The following KCNIP4 variants were observed in gnomAD, a reference collection of about 807,000 sequenced individuals.
The protein encoded by KCNIP4 is Kv channel-interacting protein 4.
A neutral mutation model predicts 34.0 loss-of-function variants in KCNIP4; 12 were observed. That is an observed-to-expected ratio of 0.35 (90% CI 0.23 to 0.57). The LOEUF is 0.57. Among genes scored for constraint, KCNIP4 ranks in the 20% least tolerant of loss-of-function variants. KCNIP4 has a pLI of 0.83. For synonymous variants in KCNIP4, 124 were observed against 102.2 expected (o/e 1.21, Z -1.29); for missense variants, 238 against 311.7 (o/e 0.76, Z 1.78).
intron 1 of KCNIP4, among the ~76,000 whole-genome samples, chr4:21,124,196 C>T (rs1041891528): frequency 9.2e-5 from 14 of 151,988 alleles, no homozygotes; most frequent in Admixed American, 2.0e-4. Flanking sequence ...GTGGTATCAA[C>T]GTCATACAGT....
intron 1 of KCNIP4, among the ~76,000 whole-genome samples, chr4:21,878,444 A>G (rs951228933): frequency 1.3e-5 from 2 of 152,132 alleles, no homozygotes; most frequent in African/African-American, 4.8e-5. Flanking sequence ...TAGTTTTCAC[A>G]TCTTCTGCCT....
chr4:21,097,854 G>C (rs1035704224), intron 1 of KCNIP4, among the ~76,000 whole-genome samples: 2 of 152,124 alleles, frequency 1.3e-5, no homozygotes, highest in Non-Finnish European at 2.9e-5. Context: ...TGCTAGAAAT[G>C]GTTAAGTTTA....
chr4:21,718,726 A>T (rs1714576326), intron 1 of KCNIP4: 1 of 152,216 alleles, frequency 6.6e-6, no homozygotes, highest in Non-Finnish European at 1.5e-5. Flanking sequence ...ACTCAAGAAC[A>T]TTAACTGAAC....
At chr4:21,154,788 C>T (rs941434119) in intron 1 of KCNIP4, among the ~76,000 whole-genome samples, 1 of 152,130 alleles carries the variant, frequency 6.6e-6, no homozygotes, top group Non-Finnish European at 1.5e-5. Flanking sequence ...GAGAGTCATG[C>T]CCTCCTTGAC....
chr4:21,192,936 ACT>A (rs60743379), intron 1 of KCNIP4, among the ~76,000 whole-genome samples: 3 of 141,370 alleles, frequency 2.1e-5, no homozygotes, highest in Admixed American at 7.1e-5. Flanking sequence ...TACTACTACT[ACT>A]ACTACTACTA....
intron 1 of KCNIP4, among the ~76,000 whole-genome samples, chr4:21,222,365 C>T (rs757804329): frequency 6.6e-6 from 1 of 152,052 alleles, no homozygotes; most frequent in Non-Finnish European, 1.5e-5. Context: ...CTAGAGTAAA[C>T]TTTAGAAATA....
chr4:21,816,719 C>T lies in KCNIP4; in HGVS notation c.61+131852G>A, dbSNP rs546544321. ...CATCACAGGTGATCTCCACATCCCACCCCTATAATTATTAGTTGACCCCAA... is the reference window on the plus strand; with the variant it reads ...CATCACAGGTGATCTCCACATCCCATCCCTATAATTATTAGTTGACCCCAA... On this transcript the variant is annotated intron_variant, in intron 1 of 8. Transcript: ENST00000382152. 2.6e-5 allele frequency among the ~76,000 whole-genome samples: 4 copies of T among 152,244 alleles called. No individual in the cohort carries two copies. In the South Asian group the frequency reaches 8.3e-4, roughly 32 times the overall value.
At chr4:21,271,673 G>T (rs1248961378) in intron 1 of KCNIP4, among the ~76,000 whole-genome samples, 1 of 151,990 alleles carries the variant, frequency 6.6e-6, no homozygotes, top group Non-Finnish European at 1.5e-5. Context: ...GGTGCTTTGG[G>T]GCTACACTTC....
intron 1 of KCNIP4, among the ~76,000 whole-genome samples, chr4:21,239,792 C>T (rs1166606637): frequency 6.6e-6 from 1 of 152,106 alleles, no homozygotes; most frequent in Admixed American, 6.5e-5. Context: ...TAAACTAGTT[C>T]AACCATTGTG....
At chr4:20,980,266 C>G (rs1490831039) in intron 1 of KCNIP4, among the ~76,000 whole-genome samples, 1 of 152,184 alleles carries the variant, frequency 6.6e-6, no homozygotes, top group East Asian at 1.9e-4. Context: ...CAATACCCAA[C>G]AGGGTACCCT....
chr4:21,709,861 T>C (rs1713583333), intron 1 of KCNIP4, among the ~76,000 whole-genome samples: 1 of 152,202 alleles, frequency 6.6e-6, no homozygotes, highest in Admixed American at 6.5e-5. Context: ...CCAGTGATGC[T>C]TTTATAACTA....
At chr4:21,736,151 G>C (rs895817198) in intron 1 of KCNIP4, among the ~76,000 whole-genome samples, 45 of 152,084 alleles carry the variant, frequency 3.0e-4, no homozygotes, top group African/African-American at 1.1e-3. Flanking sequence ...TATTTGGATT[G>C]GTTATTATAT....
intron 1 of KCNIP4, among the ~76,000 whole-genome samples, chr4:21,400,578 C>CTCTTCTCTTT (rs1491290545): frequency 5.8e-4 from 46 of 78,982 alleles, no homozygotes; most frequent in Middle Eastern, 0.012. Flanking sequence ...CTCTTCTCTT[C>CTCTTCTCTTT]GTTCTTTCTT....
intron 3 of KCNIP4, among the ~76,000 whole-genome samples, chr4:20,779,588 C>A (rs999033033): frequency 2.4e-4 from 20 of 82,130 alleles, no homozygotes; most frequent in East Asian, 1.9e-3. Flanking sequence ...CCCCCCCCCC[C>A]ACACAAAAAA....
At chr4:21,814,320 T>C (rs1721841002) in intron 1 of KCNIP4, among the ~76,000 whole-genome samples, 1 of 152,090 alleles carries the variant, frequency 6.6e-6, no homozygotes, top group Admixed American at 6.6e-5. Context: ...AAATTGTAGC[T>C]CCCACAATTC....
At chr4:21,065,808 T>C (rs1202301610) in intron 1 of KCNIP4, among the ~76,000 whole-genome samples, 3 of 144,238 alleles carry the variant, frequency 2.1e-5, no homozygotes, top group African/African-American at 5.1e-5. Context: ...AAACATCACA[T>C]GAATTAAGAA....
chr4:21,177,805 G>A (rs552720942), intron 1 of KCNIP4, among the ~76,000 whole-genome samples: 20 of 150,734 alleles, frequency 1.3e-4, no homozygotes, highest in African/African-American at 4.1e-4. Context: ...CTGAGATCAT[G>A]CCATTGCACT....
At chr4:21,447,164 C>A (rs1047045766) in intron 1 of KCNIP4, among the ~76,000 whole-genome samples, 2 of 152,056 alleles carry the variant, frequency 1.3e-5, no homozygotes, top group African/African-American at 2.4e-5. Context: ...ATACTTTTAT[C>A]TTTATCTTTA....
At chr4:20,868,845 C>T (rs1177810201) in intron 2 of KCNIP4, among the ~76,000 whole-genome samples, 2 of 151,992 alleles carry the variant, frequency 1.3e-5, no homozygotes, top group Admixed American at 1.3e-4. Context: ...GAAGGCGGGA[C>T]ATTGAAAAAC....
Sources: allele counts gnomAD v4.1 joint callset (sites outside exome capture counted in the v4.1 genomes callset), GRCh38; gene constraint gnomAD v4.1.1; transcripts MANE v1.5; gene names NCBI Gene and HGNC (gene_info 2026-07-23, HGNC 2026-07-21).